Variants in ATP7A observed in about 807,000 individuals in gnomAD.
The protein encoded by ATP7A is ATPase copper transporting alpha, also known as copper-transporting ATPase 1.
Under a neutral mutation model 83.5 loss-of-function variants are expected in ATP7A, and 7 were observed. The observed-to-expected ratio is 0.08, with a 90% confidence interval of 0.05 to 0.16. The LOEUF is 0.16. Among genes scored for constraint, ATP7A ranks in the 10% least tolerant of loss-of-function variants. The probability of loss-of-function intolerance (pLI) is 1.00; values close to 1 mark genes in which losing one functional copy is unlikely to be tolerated. For synonymous variants in ATP7A, 354 were observed against 395.2 expected, an observed-to-expected ratio of 0.90 and a Z score of 1.24; for missense variants, 940 against 1,120.8, an observed-to-expected ratio of 0.84 and a Z score of 2.30.
At chrX:77,923,865 G>T (rs1397977148) in intron 1 of ATP7A, 1 of 111,553 alleles carries the variant, frequency 9.0e-6, no homozygotes, top group Non-Finnish European at 1.9e-5. Context: ...AGATAGTCAA[G>T]AGGTGTTTTA....
At position 78,038,753 on chromosome X, in the gene ATP7A, G is replaced by C. The variant is rs782333557; in HGVS notation, c.3512-83G>C. 1.4e-4 allele frequency: 153 copies of C among 1,059,601 alleles called. No homozygotes were observed. In the African/African-American group the frequency reaches 2.4e-3, roughly 16 times the overall value. The allele number at this position is 1,059,601 out of a possible 1,213,427, so 87.3% of individuals were successfully genotyped here. A position where few individuals can be genotyped will look rare whatever the true frequency, so the allele number is the denominator to read the frequency against. On this transcript the variant is annotated intron_variant, in intron 17 of 22. Coordinates refer to ENST00000341514, the MANE Select transcript of ATP7A (RefSeq NM_000052.7). ...GCAATACAATGTAGTGACTGTGCAA[G>C]GTTAGACAGGAAGAACTTGCTTCAT...
chrX:78,029,573 G>C (rs1488159895), intron 15 of ATP7A, 129 bp downstream of exon 15: 5 of 699,843 alleles, frequency 7.1e-6, no homozygotes, highest in Admixed American at 3.1e-5. Flanking sequence ...GGACTATCCA[G>C]AGATTTGAGG....
rs782508885 is a variant in ATP7A at position 77,990,632 on chromosome X, C to T, written c.1336+674C>T. ...CAAATTAAACTGACTCCAGAGCTGT[C>T]CCAAAGTTTTCGTATTTCCTGACAG... is the stretch of plus-strand genomic sequence containing the variant. On this transcript the variant is annotated intron_variant, in intron 4 of 22. Transcript: ENST00000341514. Among the ~76,000 whole-genome samples the T allele has an allele frequency of 2.8e-4, 31 of 111,839 alleles. No homozygotes were observed. In the South Asian group the frequency reaches 0.011, roughly 41 times the overall value.
intron 18 of ATP7A, among the ~76,000 whole-genome samples, chrX:78,039,493 C>T (rs1011411261): frequency 7.2e-5 from 8 of 110,634 alleles, no homozygotes; most frequent in Admixed American, 1.9e-4. Flanking sequence ...CCACCATGCC[C>T]GGCTAATTGT....
chrX:77,934,210 T>C (rs1220541563), intron 1 of ATP7A, among the ~76,000 whole-genome samples: 9 of 110,827 alleles, frequency 8.1e-5, no homozygotes, highest in Admixed American at 5.8e-4. Context: ...GCTCACGAGG[T>C]TGAGACCAGC....
At chrX:77,951,116 C>T (rs921557467) in intron 1 of ATP7A, among the ~76,000 whole-genome samples, 3 of 112,172 alleles carry the variant, frequency 2.7e-5, no homozygotes, top group African/African-American at 9.7e-5. Context: ...TATCTAATTA[C>T]AGAATATTTT....
intron 1 of ATP7A, among the ~76,000 whole-genome samples, chrX:77,928,813 T>C (rs970156495): frequency 6.3e-5 from 7 of 111,894 alleles, no homozygotes; most frequent in African/African-American, 2.3e-4. Flanking sequence ...AAGTATATAT[T>C]GAGGGCTTAT....
chrX:77,974,767 CTGAT>C, intron 2 of ATP7A: 1 of 297,073 alleles, frequency 3.4e-6, no homozygotes, highest in Non-Finnish European at 5.9e-6. Context: ...GTGAATTACA[CTGAT>C]TGATTTTCAA....
In ATP7A at chrX:78,047,269, T is replaced by A. The variant is rs1557239276; in HGVS notation, c.*699T>A. 1 of 112,154 alleles carries A rather than the reference T, an allele frequency of 8.9e-6. No individual in the cohort carries two copies. Among genetic ancestry groups the A allele is most frequent in the African/African-American group, 3.2e-5 (1 of 30,797 alleles). 9.2% of individuals were successfully genotyped at this position (112,154 alleles called of 1,213,427 possible). On this transcript the variant is annotated 3_prime_UTR_variant, in exon 23 of 23. Coordinates refer to ENST00000341514, the MANE Select transcript of ATP7A (RefSeq NM_000052.7). Reference sequence around the variant, plus strand: ...AACTGTTCTAATATTTTGCTCCTTTTTAAATTTTGTAGCTCAAAAGACCTT... The same window carrying A: ...AACTGTTCTAATATTTTGCTCCTTTATAAATTTTGTAGCTCAAAAGACCTT...
At chrX:77,945,458 G>T (rs1569549022) in intron 1 of ATP7A, among the ~76,000 whole-genome samples, 1 of 112,249 alleles carries the variant, frequency 8.9e-6, no homozygotes, top group Non-Finnish European at 1.9e-5. Context: ...GGGTTTACAG[G>T]TGTGAGCCAC....
intron 1 of ATP7A, among the ~76,000 whole-genome samples, chrX:77,914,526 A>G (rs1293481386): frequency 9.0e-6 from 1 of 111,079 alleles, no homozygotes; most frequent in African/African-American, 3.3e-5. Context: ...CAGTCTCCCA[A>G]GTAGCGGGGA....
chrX:77,988,356 G>A lies in ATP7A; in HGVS notation c.235G>A (p.Asp79Asn), dbSNP rs782363166. ...MGFDAVIHNP[D>N]PLPVLTDTLF... ...CTTTGATGCTGTTATCCATAATCCT[G>A]ACCCTCTCCCTGTTTTAACTGACAC... The change falls in exon 3 of 23, where the codon GAC becomes AAC. Residue 79 changes from aspartate to asparagine, a missense_variant. Asp to Asn is a conservative substitution (Grantham distance 23). Coordinates refer to ENST00000341514, the MANE Select transcript of ATP7A (RefSeq NM_000052.7). The A allele has an allele frequency of 1.2e-5, 14 of 1,208,723 alleles. No homozygotes were observed. The African/African-American group carries it at 2.3e-4, about 20-fold the overall frequency.
chrX:78,017,459 C>T (rs1557235280), intron 12 of ATP7A, among the ~76,000 whole-genome samples: 1 of 112,348 alleles, frequency 8.9e-6, no homozygotes, highest in African/African-American at 3.2e-5. Context: ...GTTACTTATG[C>T]AAATTTCTGC....
chrX:77,930,214 T>G (rs1414961852), intron 1 of ATP7A, among the ~76,000 whole-genome samples: 2 of 111,585 alleles, frequency 1.8e-5, no homozygotes, highest in Non-Finnish European at 1.9e-5. Context: ...TTTTAAAAAC[T>G]GAACAGGAAG....
rs782423345 is a variant in ATP7A at position 77,996,855 on chromosome X, G to A, written c.1337-1623G>A. ...AGAGAATGAAGGAACCTTCTGGTTG[G>A]ATTAAAATGGTGGTTTTATTCAAAA... On this transcript the variant is annotated intron_variant, in intron 4 of 22. Transcript: ENST00000341514. Among the ~76,000 whole-genome samples the A allele has an allele frequency of 4.2e-3, 470 of 111,046 alleles. 2 individuals are homozygous for A. The highest frequency in any genetic ancestry group is 7.4e-3 in the Non-Finnish European group (394 of 52,948).
At chrX:77,939,205 G>A (rs1272280713) in intron 1 of ATP7A, among the ~76,000 whole-genome samples, 1 of 110,335 alleles carries the variant, frequency 9.1e-6, no homozygotes, top group African/African-American at 3.3e-5. Context: ...GCTGAGGCAC[G>A]AGAATTACTT....
At position 78,029,340 on chromosome X, in the gene ATP7A, T is replaced by C. The variant is rs77671794; in HGVS notation, c.3007T>C (p.Ser1003Pro). The C allele has an allele frequency of 8.3e-7, 1 of 1,210,128 alleles. No individual in the cohort carries two copies. The highest frequency in any genetic ancestry group is 1.1e-6 in the Non-Finnish European group (1 of 893,945). Reference protein sequence around the residue: ...ITVLCIACPCSLGLATPTAVM... With the variant: ...ITVLCIACPCPLGLATPTAVM... ...AGTTCTGTGTATTGCATGTCCCTGT[T>C]CACTGGGACTGGCCACTCCAACTGC... The change falls in exon 15 of 23, where the codon TCA becomes CCA. Residue 1003 changes from serine to proline, a missense_variant. Transcript: ENST00000341514.
chrX:77,969,650 G>C (rs782456518), intron 1 of ATP7A: 1 of 1,209,623 alleles, frequency 8.3e-7, no homozygotes, highest in Non-Finnish European at 1.1e-6. Context: ...GCGGTGGGCT[G>C]CAATACTTTT....
At chrX:78,007,149 T>G (rs1483186823) in intron 6 of ATP7A, among the ~76,000 whole-genome samples, 1 of 111,976 alleles carries the variant, frequency 8.9e-6, no homozygotes, top group Non-Finnish European at 1.9e-5. Context: ...ACGTTCCAAT[T>G]GTTCCATATG....
Sources: allele counts gnomAD v4.1 joint callset (sites outside exome capture counted in the v4.1 genomes callset), GRCh38; gene constraint gnomAD v4.1.1; transcripts MANE v1.5; gene names NCBI Gene and HGNC (gene_info 2026-07-23, HGNC 2026-07-21).